SNX8: variants seen among roughly 807,000 people sequenced by gnomAD.
SNX8 encodes the protein sorting nexin 8, also known as sorting nexin-8.
SNX8 carries 25 observed loss-of-function variants against 51.6 expected under a neutral mutation model. That is an observed-to-expected ratio of 0.48 (90% CI 0.35 to 0.68). The LOEUF (loss-of-function observed/expected upper bound fraction) is 0.68, where lower values mean the gene tolerates loss of function less well. Ranked by LOEUF, SNX8 falls within the 30% of genes least tolerant of loss-of-function variation. The probability of loss-of-function intolerance (pLI) is 0.00; values close to 1 mark genes in which losing one functional copy is unlikely to be tolerated. For synonymous variants in SNX8, 324 were observed against 277.0 expected (o/e 1.17, Z -1.68); for missense variants, 695 against 624.0 (o/e 1.11, Z -1.21).
intron 1 of SNX8, among the ~76,000 whole-genome samples, chr7:2,340,439 CT>C (rs991103386): frequency 1.3e-5 from 2 of 149,262 alleles, no homozygotes; most frequent in Non-Finnish European, 1.5e-5. Flanking sequence ...TCTTTTCTTG[CT>C]TTTTTTTTGG....
Position 2,309,599 on chromosome 7 carries a change from C to T in SNX8, c.94+4729G>A, listed in dbSNP as rs113223261. Among the ~76,000 whole-genome samples, 815 of 152,176 alleles carry T rather than the reference C, an allele frequency of 5.4e-3. 6 individuals carry two copies. Among genetic ancestry groups the T allele is most frequent in the African/African-American group, 0.017 (696 of 41,534 alleles). ...ATACAAAATTAGCCAGGTGTGGTGA[C>T]GCATGCCTGTAATCCCAGCTACTCA... is the stretch of plus-strand genomic sequence containing the variant. On this transcript the variant is annotated intron_variant, in intron 1 of 10. Transcript: ENST00000222990.
chr7:2,308,563 G>A (rs1196101054), intron 1 of SNX8, among the ~76,000 whole-genome samples: 2 of 151,148 alleles, frequency 1.3e-5, no homozygotes, highest in East Asian at 3.9e-4. Context: ...AACTACGGGG[G>A]AGACTGAGGC....
intron 1 of SNX8, among the ~76,000 whole-genome samples, chr7:2,289,964 G>A (rs150164707): frequency 0.021 from 3,163 of 152,114 alleles, 76 homozygotes; most frequent in Admixed American, 0.069. Flanking sequence ...AGGCTGAGGC[G>A]GGTGGATCAC....
At chr7:2,304,518 T>C (rs1030877215) in intron 1 of SNX8, among the ~76,000 whole-genome samples, 2 of 151,066 alleles carry the variant, frequency 1.3e-5, no homozygotes, top group Non-Finnish European at 2.9e-5. Flanking sequence ...TACTCCAGCC[T>C]GGGCGACAGA....
upstream of SNX8, among the ~76,000 whole-genome samples, chr7:2,314,643 C>A (rs1349442989): frequency 6.6e-6 from 1 of 152,168 alleles, no homozygotes; most frequent in Non-Finnish European, 1.5e-5. Context: ...CACGTGGACA[C>A]GGAGCCTGCT....
In SNX8 at chr7:2,263,114, T is replaced by C. The variant is rs1795375955; in HGVS notation, c.915+116A>G. ...AGCCTGGCAACAGAGGGAGACTCCTTCTCAAAACAACAAAACAAAAACGAA... is the reference window on the plus strand; with the variant it reads ...AGCCTGGCAACAGAGGGAGACTCCTCCTCAAAACAACAAAACAAAAACGAA... On this transcript the variant is annotated intron_variant, in intron 7 of 10. Coordinates refer to ENST00000222990, the MANE Select transcript of SNX8 (RefSeq NM_013321.4). The C allele has an allele frequency of 1.2e-5, 15 of 1,294,506 alleles. No individual in the cohort carries two copies. The South Asian group carries it at 2.0e-4, about 17-fold the overall frequency. The allele number at this position is 1,294,506 out of a possible 1,614,324, so 80.2% of individuals were successfully genotyped here. A position where few individuals can be genotyped will look rare whatever the true frequency, so the allele number is the denominator to read the frequency against.
rs1554268545 is a variant in SNX8, at chr7:2,323,349, A to AC, written c.-66+30872dup. Among the ~76,000 whole-genome samples, 19 of 145,592 alleles carry AC rather than the reference A, an allele frequency of 1.3e-4. 1 individual carries two copies. Among genetic ancestry groups the AC allele is most frequent in the South Asian group, 2.1e-4 (1 of 4,670 alleles). ...TGTCTCAAAAAAAAAAAAAAAAAAA[A>AC]CAACCAAACAAACAAAAAAACTAAT... On this transcript the variant is annotated intron_variant, in intron 1 of 5. Coordinates refer to the SNX8 transcript ENST00000435336.
chr7:2,324,511 G>A (rs1000111110), intron 1 of SNX8, among the ~76,000 whole-genome samples: 4 of 151,800 alleles, frequency 2.6e-5, no homozygotes, highest in Non-Finnish European at 2.9e-5. Context: ...GGGTGGTCTC[G>A]AACTCCTGAG....
intron 7 of SNX8, among the ~76,000 whole-genome samples, chr7:2,260,664 C>G (rs1206718733): frequency 8.5e-5 from 13 of 152,112 alleles, no homozygotes; most frequent in African/African-American, 3.1e-4. Flanking sequence ...CCTCGCTGCC[C>G]CCGACTGAAC....
chr7:2,342,282 T>G (rs1255709437), intron 1 of SNX8, among the ~76,000 whole-genome samples: 1 of 152,022 alleles, frequency 6.6e-6, no homozygotes, highest in African/African-American at 2.4e-5. Context: ...AAAGAAATGT[T>G]CAACACGCAA....
At chr7:2,342,258 G>A (rs974883514) in intron 1 of SNX8, among the ~76,000 whole-genome samples, 2 of 151,968 alleles carry the variant, frequency 1.3e-5, no homozygotes, top group Non-Finnish European at 2.9e-5. Flanking sequence ...CCAGGTAGAA[G>A]GCCTGGAATG....
intron 5 of SNX8, among the ~76,000 whole-genome samples, chr7:2,267,073 C>G (rs6971143): frequency 3.3e-5 from 5 of 152,020 alleles, no homozygotes; most frequent in Non-Finnish European, 1.5e-5. Flanking sequence ...CTTAGAGGCT[C>G]GGGGCCTTGG....
At chr7:2,331,184 C>CAAAAAAAAAAAA (rs71023397) in intron 1 of SNX8, among the ~76,000 whole-genome samples, 1 of 76,724 alleles carries the variant, frequency 1.3e-5, no homozygotes, top group Non-Finnish European at 2.4e-5. Flanking sequence ...GACTCTGTCT[C>CAAAAAAAAAAAA]AAAAAAAAAA....
intron 1 of SNX8, among the ~76,000 whole-genome samples, chr7:2,283,548 G>A (rs1033841032): frequency 2.0e-5 from 3 of 152,218 alleles, no homozygotes; most frequent in African/African-American, 7.2e-5. Flanking sequence ...TGGCAGGGAG[G>A]ACCTGAATGC....
intron 7 of SNX8, among the ~76,000 whole-genome samples, chr7:2,261,328 G>A (rs1795329907): frequency 6.6e-6 from 1 of 152,230 alleles, no homozygotes; most frequent in Admixed American, 6.5e-5. Context: ...AGCTACTGGG[G>A]AGGCTGAGGC....
At chr7:2,315,218 A>G (rs1239401400), upstream of SNX8, among the ~76,000 whole-genome samples, 2 of 149,856 alleles carry the variant, frequency 1.3e-5, no homozygotes, top group East Asian at 2.0e-4. Context: ...CCACTCACTC[A>G]CTGCATCCTG....
chr7:2,344,065 G>A (rs558855067), intron 1 of SNX8, among the ~76,000 whole-genome samples: 3 of 151,362 alleles, frequency 2.0e-5, no homozygotes, highest in Admixed American at 2.0e-4. Flanking sequence ...TTAGCCAGGT[G>A]TGGTGCCGTG....
Position 2,257,469 on chromosome 7 carries a change from G to A in SNX8, c.1030C>T (p.Arg344Trp), listed in dbSNP as rs753647315. Residue 344 changes from arginine (R) to tryptophan (W), a missense_variant, in exon 9 of 11, where the codon CGG becomes TGG. By Grantham distance (101) the Arg-to-Trp change is moderately radical. Transcript: ENST00000222990. Reference sequence around the variant, plus strand: ...ATCAGGCTGTACTTGTGCAGGGCCCGCTGGTGCTTGTGCAACACGCCCTTC... The same window carrying A: ...ATCAGGCTGTACTTGTGCAGGGCCCACTGGTGCTTGTGCAACACGCCCTTC... ...HEKGVLHKHQ[R>W]ALHKYSLMKR... The A allele has an allele frequency of 6.2e-6, 10 of 1,606,932 alleles. No individual in the cohort carries two copies. The South Asian group carries it at 9.9e-5, about 16-fold the overall frequency.
upstream of SNX8, among the ~76,000 whole-genome samples, chr7:2,315,207 C>A (rs1045958603): frequency 3.3e-5 from 5 of 149,962 alleles, no homozygotes. Context: ...CATTCATTCA[C>A]CCACTCACTC....
Sources: gnomAD v4.1 joint callset for allele counts (sites outside exome capture counted in the v4.1 genomes callset) on GRCh38, gnomAD v4.1.1 for gene constraint, MANE v1.5 for transcripts, NCBI Gene and HGNC (gene_info 2026-07-23, HGNC 2026-07-21) for gene names.